Variants in YAP1 observed in about 807,000 individuals in gnomAD.
YAP1 encodes the protein Yes1 associated transcriptional regulator, also known as transcriptional coactivator YAP1.
In YAP1, 5 loss-of-function variants were observed where a neutral mutation model predicts 56.9. The ratio of observed to expected loss-of-function variants is 0.09; its 90% CI spans 0.05 to 0.18. The LOEUF (loss-of-function observed/expected upper bound fraction) is 0.18. Ranked by LOEUF, YAP1 falls within the 10% of genes least tolerant of loss-of-function variation. The pLI, the probability that YAP1 is intolerant of heterozygous loss-of-function variation, is 1.00. For missense variants in YAP1, 539 were observed against 651.8 expected (o/e 0.83, Z 1.88); for synonymous variants, 265 against 248.1 (o/e 1.07, Z -0.64).
At chr11:102,129,816 T>TTC (rs1565437379) in intron 2 of YAP1, among the ~76,000 whole-genome samples, 2 of 149,346 alleles carry the variant, frequency 1.3e-5, no homozygotes, top group Non-Finnish European at 3.0e-5. Flanking sequence ...TTTTTTTTTT[T>TTC]CGAAATGGGG....
chr11:102,146,133 C>G (rs1234206135), intron 2 of YAP1, among the ~76,000 whole-genome samples: 1 of 152,182 alleles, frequency 6.6e-6, no homozygotes, highest in African/African-American at 2.4e-5. Context: ...AGATTAAGGT[C>G]CATAGCCTGG....
chr11:102,187,061 C>T (rs996533826), intron 4 of YAP1, among the ~76,000 whole-genome samples: 3 of 151,974 alleles, frequency 2.0e-5, no homozygotes, highest in Non-Finnish European at 2.9e-5. Flanking sequence ...ACAACAACTG[C>T]GGGGCCCTCA....
chr11:102,161,576 A>G (rs1355805610), intron 2 of YAP1, among the ~76,000 whole-genome samples: 1 of 152,196 alleles, frequency 6.6e-6, no homozygotes, highest in East Asian at 1.9e-4. Context: ...GCTTGCTGTA[A>G]TAAATGATAC....
chr11:102,177,432 A>G (rs1194194293), intron 3 of YAP1, among the ~76,000 whole-genome samples: 1 of 152,172 alleles, frequency 6.6e-6, no homozygotes, highest in African/African-American at 2.4e-5. Context: ...AAACTTTGTC[A>G]TGGAAATGTG....
intron 3 of YAP1, among the ~76,000 whole-genome samples, chr11:102,169,763 A>G (rs1041848399): frequency 1.3e-5 from 2 of 152,224 alleles, no homozygotes; most frequent in African/African-American, 4.8e-5. Flanking sequence ...GAATCAATAT[A>G]GCCAATCCTT....
At chr11:102,119,785 A>T (rs1427939263) in intron 2 of YAP1, among the ~76,000 whole-genome samples, 1 of 152,160 alleles carries the variant, frequency 6.6e-6, no homozygotes, top group Non-Finnish European at 1.5e-5. Context: ...ATTGCCTTGT[A>T]CCTTAAGGCT....
chr11:102,113,443 T>C (rs1405036209), intron 1 of YAP1, among the ~76,000 whole-genome samples: 1 of 152,196 alleles, frequency 6.6e-6, no homozygotes, highest in African/African-American at 2.4e-5. Context: ...CAGAATTTTT[T>C]CTGCTTGTAT....
At chr11:102,160,193 C>G (rs577281791) in intron 2 of YAP1, among the ~76,000 whole-genome samples, 1 of 151,524 alleles carries the variant, frequency 6.6e-6, no homozygotes, top group East Asian at 1.9e-4. Context: ...CTGGCTAATT[C>G]TGTGTTTTTA....
chr11:102,171,393 C>G (rs926672636), intron 3 of YAP1, among the ~76,000 whole-genome samples: 9 of 152,162 alleles, frequency 5.9e-5, no homozygotes, highest in Non-Finnish European at 1.2e-4. Flanking sequence ...ATAAATCTTG[C>G]AACAGTACTC....
chr11:102,128,008 G>A (rs1038452021), intron 2 of YAP1, among the ~76,000 whole-genome samples: 10 of 152,226 alleles, frequency 6.6e-5, no homozygotes, highest in East Asian at 5.8e-4. Flanking sequence ...ACCTGTACCC[G>A]CATTGTATCT....
chr11:102,146,848 A>G (rs964308566), intron 2 of YAP1, among the ~76,000 whole-genome samples: 7 of 152,166 alleles, frequency 4.6e-5, no homozygotes, highest in South Asian at 2.1e-4. Context: ...CAGCACGACA[A>G]CTAATAATTT....
At chr11:102,194,080 C>T (rs370609067) in intron 4 of YAP1, among the ~76,000 whole-genome samples, 1 of 152,324 alleles carries the variant, frequency 6.6e-6, no homozygotes, top group African/African-American at 2.4e-5. Context: ...GCTGGGATTA[C>T]AGGCGTGAGC....
intron 2 of YAP1, among the ~76,000 whole-genome samples, chr11:102,152,903 G>A (rs1945744216): frequency 6.6e-6 from 1 of 152,170 alleles, no homozygotes; most frequent in African/African-American, 2.4e-5. Context: ...GCTGCTGTGT[G>A]GAGGCTGAGA....
intron 3 of YAP1, among the ~76,000 whole-genome samples, chr11:102,162,975 A>ATT (rs376718445): frequency 2.2e-4 from 20 of 89,376 alleles, no homozygotes; most frequent in Admixed American, 4.8e-4. Context: ...TATTATTATT[A>ATT]TTTTTTTTTT....
At chr11:102,205,563 C>A (rs761703877) in intron 4 of YAP1, among the ~76,000 whole-genome samples, 11 of 151,894 alleles carry the variant, frequency 7.2e-5, no homozygotes, top group Non-Finnish European at 1.3e-4. Context: ...AATATATTCA[C>A]CCCCGCTCCC....
At chr11:102,227,133 AGAG>A in intron 7 of YAP1, 1 of 220,562 alleles carries the variant, frequency 4.5e-6, no homozygotes, top group East Asian at 1.1e-4. Context: ...GATATTACAG[AGAG>A]GAGAATACTG....
At position 102,230,884 on chromosome 11, in the gene YAP1, CAT is replaced by C. The variant is rs1950416335; in HGVS notation, c.*946_*947del. 6.6e-6 allele frequency: 1 copy of C among 152,162 alleles called. No individual in the cohort carries two copies. Among genetic ancestry groups the C allele is most frequent in the South Asian group, 2.1e-4 (1 of 4,834 alleles). 9.4% of individuals were successfully genotyped at this position (152,162 alleles called of 1,614,324 possible). A position where few individuals can be genotyped will look rare whatever the true frequency, so the allele number is the denominator to read the frequency against. On this transcript the variant is annotated 3_prime_UTR_variant, in exon 9 of 9. Transcript: ENST00000282441. ...TTTTATATACATACACACACCCAAACATAACATTTATAATAGTGTGGTAGTGG... is the reference window on the plus strand; with the variant it reads ...TTTTATATACATACACACACCCAAACAACATTTATAATAGTGTGGTAGTGG...
chr11:102,170,837 T>TG (rs1356403908), intron 3 of YAP1, among the ~76,000 whole-genome samples: 1 of 151,732 alleles, frequency 6.6e-6, no homozygotes, highest in Non-Finnish European at 1.5e-5. Context: ...GGTATGATGG[T>TG]GGGTGCCTGT....
intron 7 of YAP1, among the ~76,000 whole-genome samples, chr11:102,225,711 G>A (rs1950162995): frequency 6.6e-6 from 1 of 152,066 alleles, no homozygotes; most frequent in Non-Finnish European, 1.5e-5. Flanking sequence ...TAAGCTCCCT[G>A]TTTGTTCTGA....
Sources: allele counts gnomAD v4.1 joint callset (sites outside exome capture counted in the v4.1 genomes callset), GRCh38; gene constraint gnomAD v4.1.1; transcripts MANE v1.5; gene names NCBI Gene and HGNC (gene_info 2026-07-23, HGNC 2026-07-21).